Variants in UGT1A4 observed in about 807,000 individuals in gnomAD.
UGT1A4 encodes the protein UDP glucuronosyltransferase family 1 member A4, also known as UDP-glucuronosyltransferase 1A4.
Under a neutral mutation model 41.1 loss-of-function variants are expected in UGT1A4, and 32 were observed. The ratio of observed to expected loss-of-function variants is 0.78; its 90% CI spans 0.59 to 1.05. The LOEUF (loss-of-function observed/expected upper bound fraction) is 1.05. UGT1A4 is among the 50% of genes least tolerant of loss of function. The pLI is 0.00. For missense variants in UGT1A4, 748 were observed against 677.4 expected (o/e 1.10, Z -1.16); for synonymous variants, 283 against 265.1 (o/e 1.07, Z -0.66).
chr2:233,724,330 C>CA (rs2077223829), intron 1 of UGT1A4, among the ~76,000 whole-genome samples: 2 of 121,986 alleles, frequency 1.6e-5, no homozygotes, highest in Admixed American at 8.1e-5. Flanking sequence ...GCTGGCCAGG[C>CA]GGGGGGCTGA....
In UGT1A4 at chr2:233,719,005, C is replaced by A; in HGVS notation, c.185C>A (p.Thr62Asn). The A allele has an allele frequency of 6.2e-7, 1 of 1,614,252 alleles. No individual in the cohort carries two copies. Among genetic ancestry groups the A allele is most frequent in the Non-Finnish European group, 8.5e-7 (1 of 1,180,048 alleles). The change falls in exon 1 of 5, where the codon ACC becomes AAC. Residue 62 changes from threonine (T) to asparagine (N), a missense_variant. By Grantham distance (65) the Thr-to-Asn change is moderately conservative. Coordinates refer to ENST00000373409, the MANE Select transcript of UGT1A4 (RefSeq NM_007120.3). ...HARGHQAVVL[T>N]PEVNMHIKEE... Reference sequence around the variant, plus strand: ...AGAGGCCACCAGGCGGTGGTCCTCACCCCAGAGGTGAATATGCACATCAAA... The same window carrying A: ...AGAGGCCACCAGGCGGTGGTCCTCAACCCAGAGGTGAATATGCACATCAAA...
intron 1 of UGT1A4, among the ~76,000 whole-genome samples, chr2:233,748,545 C>G (rs949815258): frequency 1.3e-5 from 2 of 151,744 alleles, no homozygotes; most frequent in African/African-American, 4.9e-5. Context: ...CACAGGAGAC[C>G]TAAGCACTCG....
chr2:233,744,892 C>A (rs28900378), intron 1 of UGT1A4, among the ~76,000 whole-genome samples: 2 of 151,832 alleles, frequency 1.3e-5, no homozygotes, highest in Non-Finnish European at 2.9e-5. Flanking sequence ...ACCCTCCTCT[C>A]CATACCAAAA....
intron 1 of UGT1A4, chr2:233,754,871 T>A: frequency 1.5e-6 from 2 of 1,352,992 alleles, no homozygotes; most frequent in African/African-American, 1.5e-5. Context: ...ACCCTCTGCT[T>A]CTGCTTCCCA....
intron 1 of UGT1A4, chr2:233,729,609 G>C: frequency 6.2e-7 from 1 of 1,613,988 alleles, no homozygotes. Flanking sequence ...CGGCAGTGCT[G>C]GCTAAGTACC....
At chr2:233,737,896 G>C (rs1414538821) in intron 1 of UGT1A4, among the ~76,000 whole-genome samples, 1 of 152,068 alleles carries the variant, frequency 6.6e-6, no homozygotes, top group Non-Finnish European at 1.5e-5. Context: ...TAATTTTCGA[G>C]TGTGGTAAAG....
Position 233,772,465 on chromosome 2 carries a change from C to T in UGT1A4, c.1511C>T (p.Ala504Val), listed in dbSNP as rs1575871358. ...GFLLAVVLTV[A>V]FITFKCCAYG... ...CTCTTGGCCGTCGTGCTGACAGTGG[C>T]CTTCATCACCTTTAAATGTTGTGCT... Residue 504 changes from alanine to valine, a missense_variant, in exon 5 of 5, where the codon GCC (alanine) becomes GTC (valine). Transcript: ENST00000373409. 1 of 1,614,018 alleles carries T rather than the reference C, an allele frequency of 6.2e-7. No individual in the cohort carries two copies. Among genetic ancestry groups the T allele is most frequent in the African/African-American group, 1.3e-5 (1 of 74,896 alleles).
At chr2:233,760,854 A>G (rs1484529222) in intron 1 of UGT1A4, 1 of 1,613,796 alleles carries the variant, frequency 6.2e-7, no homozygotes, top group Non-Finnish European at 8.5e-7. Context: ...GCCCCAACCC[A>G]TTCTCCTACG....
At chr2:233,725,101 C>G (rs1177502962) in intron 1 of UGT1A4, among the ~76,000 whole-genome samples, 4 of 143,214 alleles carry the variant, frequency 2.8e-5, no homozygotes, top group African/African-American at 1.1e-4. Context: ...GCAGGAGAAT[C>G]AGGCAGGGAG....
At chr2:233,755,154 C>CT in intron 1 of UGT1A4, 2 of 1,296,006 alleles carry the variant, frequency 1.5e-6, no homozygotes, top group Non-Finnish European at 2.1e-6. Flanking sequence ...CGCTTCCTCC[C>CT]TGTCCTCGGG....
chr2:233,729,868 A>G lies in UGT1A4; in HGVS notation c.867+10181A>G, dbSNP rs754430297. ...TCAGAGAGAGGTGTCAGTGGTGGAT[A>G]TTCTCAGTCATGCATCTGTGTGGCT... On this transcript the variant is annotated intron_variant, in intron 1 of 4. Transcript: ENST00000373409. 6.2e-7 allele frequency: 1 copy of G among 1,613,720 alleles called. No homozygotes were observed. Among genetic ancestry groups the G allele is most frequent in the Non-Finnish European group, 8.5e-7 (1 of 1,179,808 alleles).
intron 1 of UGT1A4, among the ~76,000 whole-genome samples, chr2:233,763,434 A>G (rs1698313182): frequency 1.3e-5 from 2 of 152,346 alleles, no homozygotes; most frequent in Middle Eastern, 3.4e-3. Context: ...AGTTGCTTTA[A>G]TAAGTGCATT....
In UGT1A4 at chr2:233,729,398, G is replaced by A. The variant is rs540607993; in HGVS notation, c.867+9711G>A. On this transcript the variant is annotated intron_variant, in intron 1 of 4. Coordinates refer to ENST00000373409, the MANE Select transcript of UGT1A4 (RefSeq NM_007120.3). The stretch of plus-strand genomic sequence containing the variant: ...TCGTGGACCCAGGATGAATTTGATC[G>A]CCATGTGCTGGGCCACACTCAACTG... 219 of 1,613,654 alleles carry A rather than the reference G, an allele frequency of 1.4e-4. 1 individual carries two copies. The South Asian group carries it at 1.7e-3, about 12-fold the overall frequency.
chr2:233,751,126 G>C (rs1694648439), intron 1 of UGT1A4, among the ~76,000 whole-genome samples: 1 of 151,986 alleles, frequency 6.6e-6, no homozygotes, highest in East Asian at 1.9e-4. Flanking sequence ...TGTCCAAGTT[G>C]CCTGAGACTG....
At chr2:233,736,303 A>T (rs1206412550) in intron 1 of UGT1A4, among the ~76,000 whole-genome samples, 2 of 152,062 alleles carry the variant, frequency 1.3e-5, no homozygotes, top group Non-Finnish European at 2.9e-5. Context: ...TGCTCTAATC[A>T]GCTATTGAAT....
At chr2:233,735,180 T>C (rs1028765761) in intron 1 of UGT1A4, among the ~76,000 whole-genome samples, 1 of 148,186 alleles carries the variant, frequency 6.7e-6, no homozygotes, top group Non-Finnish European at 1.5e-5. Flanking sequence ...AGAACTTGCT[T>C]TATGAATCTA....
chr2:233,753,853 A>G (rs1695329798), intron 1 of UGT1A4, among the ~76,000 whole-genome samples: 1 of 152,184 alleles, frequency 6.6e-6, no homozygotes, highest in Non-Finnish European at 1.5e-5. Flanking sequence ...TCATTGACCA[A>G]CCACATAACC....
intron 1 of UGT1A4, among the ~76,000 whole-genome samples, chr2:233,751,173 T>C (rs1694658856): frequency 6.6e-6 from 1 of 151,974 alleles, no homozygotes; most frequent in Non-Finnish European, 1.5e-5. Context: ...GACCTAGATA[T>C]GAGACATGAA....
At chr2:233,730,096 A>G in intron 1 of UGT1A4, 1 of 1,590,372 alleles carries the variant, frequency 6.3e-7, no homozygotes, top group Non-Finnish European at 8.6e-7. Flanking sequence ...CTTTCCAAAT[A>G]TTTCATTTCT....
Sources: allele counts gnomAD v4.1 joint callset (sites outside exome capture counted in the v4.1 genomes callset), GRCh38; gene constraint gnomAD v4.1.1; transcripts MANE v1.5; gene names NCBI Gene and HGNC (gene_info 2026-07-23, HGNC 2026-07-21).